The following ANO6 variants were observed in gnomAD, a reference collection of about 807,000 sequenced individuals.
ANO6 encodes anoctamin 6.
ANO6 carries 106 observed loss-of-function variants against 117.5 expected under a neutral mutation model. The observed-to-expected ratio is 0.90, with a 90% CI of 0.77 to 1.06. The LOEUF (loss-of-function observed/expected upper bound fraction) is 1.06, where lower values mean the gene tolerates loss of function less well. Ranked by LOEUF, ANO6 falls within the 50% of genes least tolerant of loss-of-function variation. The pLI is 0.00. For synonymous variants in ANO6, 367 were observed against 385.1 expected (o/e 0.95, Z 0.55); for missense variants, 955 against 1,121.1 (o/e 0.85, Z 2.12).
At chr12:45,292,765 G>C in intron 1 of ANO6, 2 of 1,442,962 alleles carry the variant, frequency 1.4e-6, no homozygotes, top group Non-Finnish European at 1.8e-6. Context: ...ATGTTACAAG[G>C]TGGAGAAATT....
chr12:45,301,308 A>G (rs1304441852), intron 1 of ANO6, among the ~76,000 whole-genome samples: 1 of 152,090 alleles, frequency 6.6e-6, no homozygotes, highest in Non-Finnish European at 1.5e-5. Context: ...CAGATTTAAA[A>G]TAGCCAGGCA....
chr12:45,300,788 A>G (rs1247226369), intron 1 of ANO6, among the ~76,000 whole-genome samples: 5 of 152,242 alleles, frequency 3.3e-5, no homozygotes, highest in Admixed American at 6.5e-5. Flanking sequence ...CATAGCAAAA[A>G]TTCTATTCAA....
chr12:45,217,004 G>T (rs1018234066), intron 1 of ANO6, among the ~76,000 whole-genome samples: 2 of 152,192 alleles, frequency 1.3e-5, no homozygotes, highest in African/African-American at 2.4e-5. Flanking sequence ...AGGACCGCAG[G>T]GCCTTTTTCA....
Position 45,432,028 on chromosome 12 carries a change from T to A in ANO6, c.*2717T>A. 2 of 985,404 alleles carry A rather than the reference T, an allele frequency of 2.0e-6. No homozygotes were observed. Among genetic ancestry groups the A allele is most frequent in the Non-Finnish European group, 2.4e-6 (2 of 829,896 alleles). 61.0% of individuals were successfully genotyped at this position (985,404 alleles called of 1,614,324 possible). ...ATCTTATAAACTGTCACCAAAGTCT[T>A]CCCTTTTTTATTGCATGTGTGCCTT... On this transcript the variant is annotated 3_prime_UTR_variant, in exon 20 of 20. Transcript: ENST00000320560.
intron 1 of ANO6, among the ~76,000 whole-genome samples, chr12:45,246,696 G>A (rs1267645390): frequency 6.6e-6 from 1 of 151,822 alleles, no homozygotes; most frequent in Non-Finnish European, 1.5e-5. Context: ...CTGATCATTT[G>A]GATGTGTCCC....
At chr12:45,288,742 T>TTTTG (rs1159700962) in intron 1 of ANO6, among the ~76,000 whole-genome samples, 5 of 152,146 alleles carry the variant, frequency 3.3e-5, no homozygotes, top group South Asian at 4.1e-4. Flanking sequence ...TACATAACTT[T>TTTTG]TTTGTTTGTT....
In ANO6 at chr12:45,216,155, G is replaced by A. The variant is rs1030010897; in HGVS notation, c.-167G>A. On this transcript the variant is annotated 5_prime_UTR_variant, in exon 1 of 20. Coordinates refer to ENST00000320560, the MANE Select transcript of ANO6 (RefSeq NM_001025356.3). ...CTCCGGCTCTGGGCTCCGGTCGGTG[G>A]GTGCCTCGGCTCGGCTTTCCCCGGC... is the stretch of plus-strand genomic sequence containing the variant. 2.2e-5 allele frequency: 16 copies of A among 721,822 alleles called. No individual in the cohort carries two copies. Among genetic ancestry groups the A allele is most frequent in the Non-Finnish European group, 3.2e-5 (14 of 435,454 alleles). The allele number at this position is 721,822 out of a possible 1,614,324, so 44.7% of individuals were successfully genotyped here.
At chr12:45,328,339 G>A (rs746688921) in intron 2 of ANO6, among the ~76,000 whole-genome samples, 17 of 151,980 alleles carry the variant, frequency 1.1e-4, no homozygotes, top group Admixed American at 4.6e-4. Flanking sequence ...TCGGAAGTCA[G>A]CCTTCCATAC....
chr12:45,286,291 G>T (rs1938912079), intron 1 of ANO6, among the ~76,000 whole-genome samples: 1 of 152,098 alleles, frequency 6.6e-6, no homozygotes, highest in Admixed American at 6.5e-5. Flanking sequence ...ACTGGGACTT[G>T]AATATGAATT....
At chr12:45,248,426 G>A (rs1947855648) in intron 1 of ANO6, among the ~76,000 whole-genome samples, 1 of 142,740 alleles carries the variant, frequency 7.0e-6, no homozygotes, top group South Asian at 2.2e-4. Flanking sequence ...ATAAAAAGTA[G>A]ACTTTTTTTT....
chr12:45,258,517 A>G (rs1460537153), intron 1 of ANO6, among the ~76,000 whole-genome samples: 7 of 152,034 alleles, frequency 4.6e-5, no homozygotes, highest in East Asian at 3.9e-4. Flanking sequence ...GGTGCCCTCT[A>G]TCCTCATACT....
intron 1 of ANO6, among the ~76,000 whole-genome samples, chr12:45,284,016 C>G (rs1048020269): frequency 1.3e-5 from 2 of 152,200 alleles, no homozygotes; most frequent in African/African-American, 4.8e-5. Context: ...GGATAAAAGG[C>G]ATACAAATTT....
At chr12:45,321,737 T>TG (rs1233024058) in intron 2 of ANO6, among the ~76,000 whole-genome samples, 2 of 151,934 alleles carry the variant, frequency 1.3e-5, no homozygotes, top group African/African-American at 4.8e-5. Context: ...TGGTATTCTG[T>TG]GGGAAAAAAA....
intron 1 of ANO6, among the ~76,000 whole-genome samples, chr12:45,238,346 T>A (rs1440731972): frequency 6.6e-6 from 1 of 152,008 alleles, no homozygotes; most frequent in Non-Finnish European, 1.5e-5. Context: ...AGACGGGGTT[T>A]CACCATATTG....
intron 1 of ANO6, among the ~76,000 whole-genome samples, chr12:45,248,201 C>T (rs1947852839): frequency 6.6e-6 from 1 of 152,114 alleles, no homozygotes; most frequent in African/African-American, 2.4e-5. Context: ...AGCTGTAACA[C>T]TTTACAGTTA....
intron 5 of ANO6, 74 bp downstream of exon 5, chr12:45,348,389 GT>G: frequency 6.2e-7 from 1 of 1,602,986 alleles, no homozygotes; most frequent in Admixed American, 1.7e-5. Context: ...GGTTGGTTTG[GT>G]TTTATTTTTA....
chr12:45,236,354 T>C (rs1947645081), intron 1 of ANO6, among the ~76,000 whole-genome samples: 1 of 152,280 alleles, frequency 6.6e-6, no homozygotes, highest in East Asian at 1.9e-4. Flanking sequence ...TTACATAAAG[T>C]ATTTCTCCTG....
At chr12:45,266,805 AGTGTGT>A (rs57682251) in intron 1 of ANO6, among the ~76,000 whole-genome samples, 4,235 of 145,576 alleles carry the variant, frequency 0.029, 59 homozygotes, top group Middle Eastern at 0.035. Flanking sequence ...TCAAAAAACA[AGTGTGT>A]GTGTGTGTGT....
At chr12:45,290,135 G>T (rs892062240) in intron 1 of ANO6, among the ~76,000 whole-genome samples, 1 of 151,912 alleles carries the variant, frequency 6.6e-6, no homozygotes, top group Admixed American at 6.6e-5. Flanking sequence ...CTTCACTGGG[G>T]GTGCATTAGT....
Sources: allele counts gnomAD v4.1 joint callset (sites outside exome capture counted in the v4.1 genomes callset), GRCh38; gene constraint gnomAD v4.1.1; transcripts MANE v1.5; gene names NCBI Gene and HGNC (gene_info 2026-07-23, HGNC 2026-07-21).